CACNA1B: variants seen among roughly 807,000 people sequenced by gnomAD.
CACNA1B encodes calcium voltage-gated channel subunit alpha1 B, also known as voltage-dependent N-type calcium channel subunit alpha-1B.
In CACNA1B, 70 loss-of-function variants were observed where a neutral mutation model predicts 247.2. The ratio of observed to expected loss-of-function variants is 0.28; its 90% CI spans 0.23 to 0.35. CACNA1B has a LOEUF of 0.35. CACNA1B is among the 10% of genes least tolerant of loss of function. The pLI is 1.00. For missense variants in CACNA1B, 2,367 were observed against 3,197.4 expected (o/e 0.74, Z 6.26); for synonymous variants, 1,231 against 1,294.4 (o/e 0.95, Z 1.05).
At chr9:138,008,359 T>C (rs1389544011) in intron 16 of CACNA1B, among the ~76,000 whole-genome samples, 2 of 152,196 alleles carry the variant, frequency 1.3e-5, no homozygotes, top group African/African-American at 4.8e-5. Context: ...CCACTCAGCG[T>C]TAGTCCTGCT....
At chr9:137,949,155 G>C (rs879158384) in intron 6 of CACNA1B, among the ~76,000 whole-genome samples, 2 of 86,040 alleles carry the variant, frequency 2.3e-5, no homozygotes, top group East Asian at 4.1e-4. Flanking sequence ...GTGCATGTGT[G>C]TGGTGTGTGC....
rs71387879 is a variant in CACNA1B at position 138,022,805 on chromosome 9, T to TGGG, written c.2268-196_2268-194dup. Among the ~76,000 whole-genome samples, 321 of 131,906 alleles carry TGGG rather than the reference T, an allele frequency of 2.4e-3. 9 individuals are homozygous for TGGG. The highest frequency in any genetic ancestry group is 4.0e-3 in the Non-Finnish European group (228 of 57,096). 86.5% of individuals were successfully genotyped at this position (131,906 alleles called of 152,430 possible). ...ACCTTGCGGGTCCTGTGGGACACCG[T>TGGG]GGGGGGGGGGGGCGGCGGGGCTGAA... On this transcript the variant is annotated intron_variant, in intron 18 of 46. Transcript: ENST00000371372.
At chr9:137,912,753 T>C (rs1191421433) in intron 3 of CACNA1B, among the ~76,000 whole-genome samples, 1 of 152,180 alleles carries the variant, frequency 6.6e-6, no homozygotes, top group Non-Finnish European at 1.5e-5. Flanking sequence ...GGCTCCATCC[T>C]GCTCCTGCTC....
intron 36 of CACNA1B, among the ~76,000 whole-genome samples, chr9:138,095,459 G>A (rs1357860312): frequency 6.6e-6 from 1 of 152,114 alleles, no homozygotes; most frequent in African/African-American, 2.4e-5. Context: ...TCTAAAAATT[G>A]AAAATAACAA....
chr9:138,000,265 A>T (rs1275234872), intron 15 of CACNA1B, among the ~76,000 whole-genome samples: 4 of 151,920 alleles, frequency 2.6e-5, no homozygotes, highest in Non-Finnish European at 5.9e-5. Flanking sequence ...CGCCCGGCTA[A>T]TTTTTTGTAT....
At chr9:137,936,596 G>A (rs1272844928) in intron 6 of CACNA1B, among the ~76,000 whole-genome samples, 1 of 152,186 alleles carries the variant, frequency 6.6e-6, no homozygotes, top group African/African-American at 2.4e-5. Flanking sequence ...TTTCTTCTAG[G>A]ATTTTTATGG....
chr9:138,029,192 C>T (rs1958958005), intron 20 of CACNA1B, among the ~76,000 whole-genome samples: 1 of 152,156 alleles, frequency 6.6e-6, no homozygotes, highest in African/African-American at 2.4e-5. Context: ...TGGCAGTGCT[C>T]TATTGGGAAA....
chr9:138,099,956 G>A (rs956850868), intron 37 of CACNA1B, among the ~76,000 whole-genome samples: 1 of 152,248 alleles, frequency 6.6e-6, no homozygotes, highest in Non-Finnish European at 1.5e-5. Context: ...GCCATGTGCT[G>A]GGGCAGGGGC....
chr9:137,960,542 GGAGGTCAGGGGAGAGGT>G lies in CACNA1B; in HGVS notation c.1333+2862_1333+2878del, dbSNP rs534673087. Among the ~76,000 whole-genome samples the G allele has an allele frequency of 4.8e-3, 710 of 148,502 alleles. 4 individuals carry two copies. Among genetic ancestry groups the G allele is most frequent in the Non-Finnish European group, 7.2e-3 (482 of 66,776 alleles). On this transcript the variant is annotated intron_variant, in intron 10 of 46. Transcript: ENST00000371372. ...CTGAGGGATGCCCAGGGGAGAGAGG[GGAGGTCAGGGGAGAGGT>G]GAGGTCGGCCTGAGGGACCTCTGGG...
rs199885015 is a variant in CACNA1B, at chr9:137,952,303, C to T, written c.996C>T (p.Asn332=). ...ACGATGCGGCCGGCAACACCTGGAA[C>T]TGGCTCTACTTCATCCCTCTCATCA... The part of the protein sequence containing the change: ...NTNDAAGNTW[N]WLYFIPLIII... Residue 332 remains asparagine (N), a synonymous_variant, in exon 7 of 47, where the codon AAC becomes AAT. Transcript: ENST00000371372. This position sits in a 1 kb window ranked among gnomAD's most constrained non-coding sequence, Gnocchi z 4.8. 32 of 1,613,742 alleles carry T rather than the reference C, an allele frequency of 2.0e-5. No individual in the cohort carries two copies. The highest frequency in any genetic ancestry group is 2.6e-5 in the Non-Finnish European group (31 of 1,179,828).
At chr9:137,918,862 G>A (rs1040895881) in intron 6 of CACNA1B, among the ~76,000 whole-genome samples, 11 of 152,228 alleles carry the variant, frequency 7.2e-5, no homozygotes, top group African/African-American at 2.2e-4. Context: ...AGTGGGAGTC[G>A]TGTCTGATGA....
chr9:138,093,609 C>T (rs1444810829), intron 36 of CACNA1B, among the ~76,000 whole-genome samples: 1 of 151,308 alleles, frequency 6.6e-6, no homozygotes, highest in Non-Finnish European at 1.5e-5. Context: ...GGTGTGGTCT[C>T]ATACACTTGT....
chr9:138,039,357 G>GT (rs1449479736), intron 20 of CACNA1B, among the ~76,000 whole-genome samples: 2 of 151,768 alleles, frequency 1.3e-5, no homozygotes, highest in Non-Finnish European at 1.5e-5. Context: ...TGCTTATTCT[G>GT]TTTTTTAAAA....
intron 20 of CACNA1B, among the ~76,000 whole-genome samples, chr9:138,039,345 C>A (rs1807040924): frequency 6.6e-6 from 1 of 151,464 alleles, no homozygotes; most frequent in Non-Finnish European, 1.5e-5. Context: ...GTCTTTTTAC[C>A]TTGCTTATTC....
chr9:137,978,666 C>T (rs898963800), intron 12 of CACNA1B, among the ~76,000 whole-genome samples: 1 of 151,958 alleles, frequency 6.6e-6, no homozygotes, highest in African/African-American at 2.4e-5. Context: ...TGGACTTTTT[C>T]TCTCATGAGC....
rs1429058235 is a variant in CACNA1B at position 137,955,132 on chromosome 9, C to T, written c.1071-566C>T. 6.6e-6 allele frequency among the ~76,000 whole-genome samples: 1 copy of T among 152,102 alleles called. No individual in the cohort carries two copies. The highest frequency in any genetic ancestry group is 2.4e-5 in the African/African-American group (1 of 41,420). ...AGCCTCAGAGGCTTGGTTGAGGAGG[C>T]TACGTGGACTCTGCGGTATTACCCT... On this transcript the variant is annotated intron_variant, in intron 7 of 46. Coordinates refer to ENST00000371372, the MANE Select transcript of CACNA1B (RefSeq NM_000718.4). The surrounding 1 kb of genome is among the most constrained non-coding windows in gnomAD (Gnocchi z 6.9).
At chr9:138,068,233 G>A (rs1959997040) in intron 31 of CACNA1B, among the ~76,000 whole-genome samples, 1 of 152,236 alleles carries the variant, frequency 6.6e-6, no homozygotes, top group South Asian at 2.1e-4. Context: ...AGGGAAGGTA[G>A]TGGCTGCATC....
chr9:137,908,756 G>A (rs1347584637), intron 3 of CACNA1B, among the ~76,000 whole-genome samples: 2 of 150,552 alleles, frequency 1.3e-5, no homozygotes, highest in African/African-American at 4.9e-5. Context: ...TCAGCCTTCC[G>A]AGTAGCTGGG....
At chr9:137,978,402 C>A in intron 12 of CACNA1B, among the ~76,000 whole-genome samples, 1 of 145,104 alleles carries the variant, frequency 6.9e-6, no homozygotes, top group African/African-American at 2.6e-5. Context: ...ACTACCCTGC[C>A]CCCCCCAGGA....
Sources: gnomAD v4.1 joint callset for allele counts (sites outside exome capture counted in the v4.1 genomes callset) on GRCh38, gnomAD v4.1.1 for gene constraint, Gnocchi (gnomAD v3.1) non-coding constraint, MANE v1.5 for transcripts, NCBI Gene and HGNC (gene_info 2026-07-23, HGNC 2026-07-21) for gene names.